QSER1: variants seen among roughly 807,000 people sequenced by gnomAD.
The protein encoded by QSER1 is glutamine and serine rich 1, also known as glutamine and serine-rich protein 1.
A neutral mutation model predicts 158.5 loss-of-function variants in QSER1; 49 were observed. The observed-to-expected ratio is 0.31, with a 90% CI of 0.25 to 0.39. The LOEUF is 0.39. Among genes scored for constraint, QSER1 ranks in the 10% least tolerant of loss-of-function variants. The probability of loss-of-function intolerance (pLI) is 1.00; values close to 1 mark genes in which losing one functional copy is unlikely to be tolerated. For missense variants in QSER1, 1,754 were observed against 2,010.3 expected, an observed-to-expected ratio of 0.87 and a Z score of 2.44; for synonymous variants, 650 against 715.5, an observed-to-expected ratio of 0.91 and a Z score of 1.46.
rs1021352840 is a variant in QSER1 at position 32,933,374 on chromosome 11, T to A, written c.2116T>A (p.Ser706Thr). 2.5e-6 allele frequency: 4 copies of A among 1,613,810 alleles called. No homozygotes were observed. Among genetic ancestry groups the A allele is most frequent in the Non-Finnish European group, 3.4e-6 (4 of 1,179,920 alleles). Residue 706 changes from serine (S) to threonine (T), a missense_variant, in exon 4 of 13, where the codon TCT becomes ACT. Ser to Thr is a moderately conservative substitution (Grantham distance 58, BLOSUM62 1). Around this residue, in one of 2 missense-constraint regions of QSER1, gnomAD observed 1,707 missense variants for 1,919.6 expected, o/e 0.89. Coordinates refer to ENST00000650167, the MANE Select transcript of QSER1 (RefSeq NM_001076786.3). ...GTTACAGGTGTTGCAGCCACAAGCA[T>A]CTCTTGAGTCATCAACCCAAAGGCT... ...QELQVLQPQA[S>T]LESSTQRLSD...
intron 1 of QSER1, among the ~76,000 whole-genome samples, chr11:32,909,190 A>G (rs752179484): frequency 1.3e-4 from 20 of 152,076 alleles, no homozygotes; most frequent in Non-Finnish European, 2.2e-4. Flanking sequence ...GGATGTTCCA[A>G]TTTCCCCATG....
chr11:32,973,263 AGG>A, intron 10 of QSER1, 132 bp from the exon 11 acceptor site: 1 of 844,626 alleles, frequency 1.2e-6, no homozygotes, highest in South Asian at 1.5e-5. Flanking sequence ...CTCTGCAAAT[AGG>A]TGTTTGTGTG....
chr11:32,927,090 C>T (rs1017598830), intron 1 of QSER1, 67 bp from the exon 2 acceptor site: 2 of 152,576 alleles, frequency 1.3e-5, no homozygotes, highest in Non-Finnish European at 2.9e-5. Flanking sequence ...AGTTGTTCTT[C>T]TAGAAGTTTT....
intron 1 of QSER1, among the ~76,000 whole-genome samples, chr11:32,907,078 A>G (rs1005477752): frequency 6.6e-6 from 1 of 152,232 alleles, no homozygotes; most frequent in African/African-American, 2.4e-5. Context: ...TAGTACCGTT[A>G]CAACAGGATA....
At chr11:32,909,964 T>C (rs1183694941) in intron 1 of QSER1, among the ~76,000 whole-genome samples, 1 of 152,178 alleles carries the variant, frequency 6.6e-6, no homozygotes, top group Non-Finnish European at 1.5e-5. Flanking sequence ...TGCTTAAAAA[T>C]CCTTTGGTTT....
At chr11:32,963,359 T>G (rs1043850996) in intron 8 of QSER1, among the ~76,000 whole-genome samples, 1 of 151,746 alleles carries the variant, frequency 6.6e-6, no homozygotes, top group African/African-American at 2.4e-5. Flanking sequence ...CCAGGCTCTG[T>G]TTGTTTGTTT....
chr11:32,903,483 A>G (rs950780280), intron 1 of QSER1, among the ~76,000 whole-genome samples: 6 of 151,200 alleles, frequency 4.0e-5, no homozygotes, highest in Admixed American at 6.6e-5. Context: ...TTTACAAACA[A>G]AGTGGACTGG....
intron 1 of QSER1, among the ~76,000 whole-genome samples, chr11:32,907,250 C>A (rs867436124): frequency 6.6e-6 from 1 of 152,094 alleles, no homozygotes; most frequent in African/African-American, 2.4e-5. Flanking sequence ...ATGAGTAATA[C>A]AATTTTGGAT....
chr11:32,907,134 G>C (rs1162349232), intron 1 of QSER1, among the ~76,000 whole-genome samples: 1 of 152,120 alleles, frequency 6.6e-6, no homozygotes, highest in Non-Finnish European at 1.5e-5. Context: ...CAAATTTGTG[G>C]ACATTTCCTT....
chr11:32,924,560 C>CA (rs371281813), intron 1 of QSER1, among the ~76,000 whole-genome samples: 15,184 of 57,878 alleles, frequency 0.26, 1,324 homozygotes, highest in Non-Finnish European at 0.32. Flanking sequence ...GACCCTGTCT[C>CA]AAAAAAAAAA....
At chr11:32,953,125 C>T (rs1852452032) in intron 4 of QSER1, among the ~76,000 whole-genome samples, 1 of 151,736 alleles carries the variant, frequency 6.6e-6, no homozygotes, top group African/African-American at 2.4e-5. Context: ...TATTTTGTGT[C>T]TTTCTAGGAA....
chr11:32,912,634 C>T (rs1374959834), intron 1 of QSER1, among the ~76,000 whole-genome samples: 2 of 152,074 alleles, frequency 1.3e-5, no homozygotes, highest in Admixed American at 1.3e-4. Context: ...TTAGGCCAGG[C>T]AAAGTGGCTC....
chr11:32,957,401 A>G lies in QSER1; in HGVS notation c.4752-468A>G, dbSNP rs555832324. 3.9e-5 allele frequency among the ~76,000 whole-genome samples: 6 copies of G among 152,120 alleles called. No individual in the cohort carries two copies. The East Asian group carries it at 1.2e-3, about 29-fold the overall frequency. ...AGTGATCCACCCACCTCAGCCTCCC[A>G]AAGTGCTAGGATTACAGGCATGAGC... On this transcript the variant is annotated intron_variant, in intron 7 of 12. Coordinates refer to ENST00000650167, the MANE Select transcript of QSER1 (RefSeq NM_001076786.3).
Position 32,933,219 on chromosome 11 carries a change from C to A in QSER1, c.1961C>A (p.Ala654Glu), listed in dbSNP as rs746422688. The A allele has an allele frequency of 6.2e-7, 1 of 1,614,004 alleles. No homozygotes were observed. Among genetic ancestry groups the A allele is most frequent in the Non-Finnish European group, 8.5e-7 (1 of 1,179,966 alleles). The change falls in exon 4 of 13, where the codon GCA (alanine) becomes GAA (glutamate). Residue 654 changes from alanine (A) to glutamate (E), a missense_variant. Ala to Glu is a moderately radical substitution (Grantham distance 107). Transcript: ENST00000650167. ...CCTGCTGTCCAGTCATCATCTTTTG[C>A]ATCCTCTACTCATTGTCAGACATTA... ...FLPAVQSSSF[A>E]SSTHCQTLQN... is the part of the protein sequence containing the mutation.
chr11:32,907,829 G>A (rs528683199), intron 1 of QSER1, among the ~76,000 whole-genome samples: 2 of 152,332 alleles, frequency 1.3e-5, no homozygotes, highest in African/African-American at 4.8e-5. Context: ...TGGGCACGGT[G>A]GCTCATGCCT....
intron 10 of QSER1, among the ~76,000 whole-genome samples, chr11:32,972,805 C>G (rs888009983): frequency 6.6e-5 from 10 of 152,144 alleles, no homozygotes; most frequent in Non-Finnish European, 1.5e-4. Context: ...ACCCATCATG[C>G]TCTGTTTTAG....
chr11:32,909,873 G>A (rs766572931), intron 1 of QSER1, among the ~76,000 whole-genome samples: 5 of 152,082 alleles, frequency 3.3e-5, no homozygotes, highest in Non-Finnish European at 7.4e-5. Context: ...GGATTCCCTT[G>A]GTATCGATTT....
rs1564933739 is a variant in QSER1 at position 32,932,458 on chromosome 11, A to G, written c.1200A>G (p.Ser400=). 2 of 1,613,496 alleles carry G rather than the reference A, an allele frequency of 1.2e-6. No homozygotes were observed. Among genetic ancestry groups the G allele is most frequent in the Non-Finnish European group, 8.5e-7 (1 of 1,180,026 alleles). Reference sequence around the variant, plus strand: ...CTTACTCATCTGCGATTCCATCATCAGGGTATCCTCCTTCTACTACAAAAA... The same window carrying G: ...CTTACTCATCTGCGATTCCATCATCGGGGTATCCTCCTTCTACTACAAAAA... The part of the protein sequence containing the change: ...AQSYSSAIPS[S]GYPPSTTKIK... The change falls in exon 4 of 13, where the codon TCA becomes TCG. Residue 400 remains serine (S), a synonymous_variant. Transcript: ENST00000650167.
intron 1 of QSER1, among the ~76,000 whole-genome samples, chr11:32,913,187 T>C (rs1447985711): frequency 7.7e-6 from 1 of 129,164 alleles, no homozygotes; most frequent in East Asian, 2.1e-4. Flanking sequence ...TCCTTTTTTT[T>C]TTTTTTTTTT....
Sources: allele counts gnomAD v4.1 joint callset (sites outside exome capture counted in the v4.1 genomes callset), GRCh38; gene constraint gnomAD v4.1.1; regional missense constraint gnomAD v4.1.1; transcripts MANE v1.5; gene names NCBI Gene and HGNC (gene_info 2026-07-23, HGNC 2026-07-21).